Variants in SIPA1L3 observed in about 807,000 individuals in gnomAD.
The protein encoded by SIPA1L3 is signal-induced proliferation-associated 1-like protein 3.
A neutral mutation model predicts 150.1 loss-of-function variants in SIPA1L3; 59 were observed. The observed-to-expected ratio is 0.39, with a 90% confidence interval of 0.32 to 0.49. The LOEUF is 0.49. Among genes scored for constraint, SIPA1L3 ranks in the 20% least tolerant of loss-of-function variants. SIPA1L3 has a pLI of 0.86. For synonymous variants in SIPA1L3, 1,070 were observed against 1,077.6 expected, an observed-to-expected ratio of 0.99 and a Z score of 0.14; for missense variants, 2,211 against 2,489.5, an observed-to-expected ratio of 0.89 and a Z score of 2.38.
intron 8 of SIPA1L3, among the ~76,000 whole-genome samples, chr19:38,114,211 G>A (rs1970829993): frequency 6.6e-6 from 1 of 151,834 alleles, no homozygotes; most frequent in Non-Finnish European, 1.5e-5. Flanking sequence ...ACCTGAGATC[G>A]GGAGTTCAAG....
At chr19:37,989,024 A>G (rs1031396007) in intron 1 of SIPA1L3, among the ~76,000 whole-genome samples, 2 of 152,080 alleles carry the variant, frequency 1.3e-5, no homozygotes, top group African/African-American at 4.8e-5. Flanking sequence ...TTCTCATGCA[A>G]TATAAGCCCT....
intron 8 of SIPA1L3, among the ~76,000 whole-genome samples, chr19:38,113,500 C>T (rs186424554): frequency 6.3e-4 from 95 of 151,960 alleles, no homozygotes; most frequent in Non-Finnish European, 7.4e-4. Flanking sequence ...CATGCTGGCA[C>T]GCACCCATAA....
intron 2 of SIPA1L3, among the ~76,000 whole-genome samples, chr19:38,050,586 C>A (rs1568520925): frequency 6.6e-6 from 1 of 152,208 alleles, no homozygotes; most frequent in Admixed American, 6.5e-5. Flanking sequence ...TATCCTTTCA[C>A]TTTCAATGCA....
chr19:38,137,102 A>G (rs1390513221), intron 10 of SIPA1L3, among the ~76,000 whole-genome samples: 1 of 152,212 alleles, frequency 6.6e-6, no homozygotes, highest in Non-Finnish European at 1.5e-5. Flanking sequence ...CATGTAGGTG[A>G]TAACGGGGCT....
intron 20 of SIPA1L3, among the ~76,000 whole-genome samples, 174 bp downstream of exon 20, chr19:38,202,171 G>A (rs1311012954): frequency 2.0e-5 from 3 of 152,226 alleles, no homozygotes; most frequent in Non-Finnish European, 2.9e-5. Context: ...CACTGCACCT[G>A]TCTGTGCACT....
chr19:38,202,313 C>T (rs150607509), intron 20 of SIPA1L3, among the ~76,000 whole-genome samples: 21 of 152,296 alleles, frequency 1.4e-4, no homozygotes, highest in African/African-American at 4.6e-4. Flanking sequence ...GCAGGCCGGG[C>T]GCGGTGGCTC....
intron 10 of SIPA1L3, among the ~76,000 whole-genome samples, chr19:38,140,232 G>A (rs868370527): frequency 1.2e-4 from 18 of 152,184 alleles, no homozygotes; most frequent in South Asian, 2.1e-4. Context: ...CATGAGCATG[G>A]CTCGGGGACC....
chr19:38,193,367 G>A (rs1296903184), intron 17 of SIPA1L3, among the ~76,000 whole-genome samples, 170 bp from the exon 18 acceptor site: 1 of 136,584 alleles, frequency 7.3e-6, no homozygotes, highest in African/African-American at 2.7e-5. Context: ...AAGGAAGGAG[G>A]GAGGGGGGAG....
rs144453861 is a variant in SIPA1L3 at position 37,927,521 on chromosome 19, C to CGTGTGTGTGTGTGT, written c.-379+20190_-379+20203dup. Among the ~76,000 whole-genome samples the CGTGTGTGTGTGTGT allele has an allele frequency of 4.4e-5, 6 of 136,830 alleles. No individual in the cohort carries two copies. In the Admixed American group the frequency reaches 4.4e-4, roughly 10 times the overall value. 89.8% of individuals were successfully genotyped at this position (136,830 alleles called of 152,430 possible). A position where few individuals can be genotyped will look rare whatever the true frequency, so the allele number is the denominator to read the frequency against. On this transcript the variant is annotated intron_variant, in intron 1 of 21. Transcript: ENST00000222345. ...TTTGGAATTCTCAGTGTCTGTTGTTCGTGTGTGTGTGTGTGTGTGTGTGTG... is the reference window on the plus strand; with the variant it reads ...TTTGGAATTCTCAGTGTCTGTTGTTCGTGTGTGTGTGTGTGTGTGTGTGTGTGTGTGTGTGTGTG...
chr19:38,048,368 T>C (rs1465159909), intron 2 of SIPA1L3, among the ~76,000 whole-genome samples: 1 of 152,168 alleles, frequency 6.6e-6, no homozygotes, highest in Non-Finnish European at 1.5e-5. Flanking sequence ...TGCCTCTTGG[T>C]TCCAGAATGG....
At chr19:38,193,387 G>A (rs1190564985) in intron 17 of SIPA1L3, 150 bp from the exon 18 acceptor site, 3 of 829,702 alleles carry the variant, frequency 3.6e-6, no homozygotes, top group East Asian at 3.6e-5. Flanking sequence ...GGGAGGAAGG[G>A]AGGGAGGGAG....
rs60028310 is a variant in SIPA1L3, at chr19:38,036,318, T to G, written c.-311+7162T>G. On this transcript the variant is annotated intron_variant, in intron 2 of 21. Transcript: ENST00000222345. ...CAGACCTTTCATGCAGCCTTGCTGG[T>G]TCAGCTTCCTCTGGCTAAGAGGGTT... Among the ~76,000 whole-genome samples the G allele has an allele frequency of 1.7e-3, 252 of 152,374 alleles. 2 individuals carry two copies. The East Asian group carries it at 0.038, about 23-fold the overall frequency.
rs757341584 is a variant in SIPA1L3, at chr19:38,198,434, G to T, written c.4886G>T (p.Arg1629Leu). Residue 1629 changes from arginine (R) to leucine (L), a missense_variant, in exon 19 of 22, where the codon CGC (arginine) becomes CTC (leucine). Transcript: ENST00000222345. ...CTCTCGCTGGCTGATGGGCGGGACC[G>T]CCCCCTGCGGCGCCTGGACCCTGGG... The part of the protein sequence containing the change: ...SELSLADGRD[R>L]PLRRLDPGLM... 3.8e-6 allele frequency: 6 copies of T among 1,596,322 alleles called. No homozygotes were observed. The highest frequency in any genetic ancestry group is 3.4e-5 in the South Asian group (3 of 88,806).
chr19:38,084,889 C>T (rs1425807028), intron 3 of SIPA1L3, among the ~76,000 whole-genome samples: 1 of 152,040 alleles, frequency 6.6e-6, no homozygotes, highest in Non-Finnish European at 1.5e-5. Flanking sequence ...ATCCACCCAC[C>T]TTGGCCTCCC....
At chr19:37,993,847 A>G (rs1007493959) in intron 1 of SIPA1L3, among the ~76,000 whole-genome samples, 6 of 152,204 alleles carry the variant, frequency 3.9e-5, no homozygotes, top group Non-Finnish European at 8.8e-5. Flanking sequence ...AAGCATTTTA[A>G]TAGCTGTACT....
Position 38,119,533 on chromosome 19 carries a change from C to G in SIPA1L3, c.2519C>G (p.Ser840Cys). The change falls in exon 9 of 22, where the codon TCC becomes TGC. Residue 840 changes from serine (S) to cysteine (C), a missense_variant. Transcript: ENST00000222345. ...TGTGTCTCCAACACCCCCATCGACT[C>G]CACCGGCAAATTCAACCTCATCTCC... ...ENCVSNTPID[S>C]TGKFNLISLT... The G allele has an allele frequency of 2.5e-6, 4 of 1,614,210 alleles. No individual in the cohort carries two copies. The highest frequency in any genetic ancestry group is 1.1e-5 in the South Asian group (1 of 91,078).
intron 1 of SIPA1L3, among the ~76,000 whole-genome samples, chr19:37,972,953 C>T (rs1966978628): frequency 1.3e-5 from 2 of 152,162 alleles, no homozygotes; most frequent in African/African-American, 4.8e-5. Context: ...CACTCCTTCC[C>T]TGTGATCCTG....
intron 3 of SIPA1L3, among the ~76,000 whole-genome samples, chr19:38,084,728 C>T (rs2145830229): frequency 6.6e-6 from 1 of 150,654 alleles, no homozygotes; most frequent in Admixed American, 6.6e-5. Context: ...CAGCCTCTGC[C>T]TCCTGGGTTC....
intron 2 of SIPA1L3, among the ~76,000 whole-genome samples, chr19:38,036,176 G>T (rs1049691308): frequency 1.3e-5 from 2 of 152,362 alleles, no homozygotes; most frequent in African/African-American, 4.8e-5. Context: ...GCTCTGCTCA[G>T]CCCATCAGCC....
Sources: gnomAD v4.1 joint callset for allele counts (sites outside exome capture counted in the v4.1 genomes callset) on GRCh38, gnomAD v4.1.1 for gene constraint, MANE v1.5 for transcripts, NCBI Gene and HGNC (gene_info 2026-07-23, HGNC 2026-07-21) for gene names.